SLC25A13: variants seen among roughly 807,000 people sequenced by gnomAD.
SLC25A13 encodes the protein solute carrier family 25 member 13, also known as electrogenic aspartate/glutamate antiporter SLC25A13, mitochondrial.
Under a neutral mutation model 85.5 loss-of-function variants are expected in SLC25A13, and 70 were observed. The ratio of observed to expected loss-of-function variants is 0.82; its 90% CI spans 0.68 to 1.00. The LOEUF (loss-of-function observed/expected upper bound fraction) is 1.00, where lower values mean the gene tolerates loss of function less well. Among genes scored for constraint, SLC25A13 ranks in the 50% least tolerant of loss-of-function variants. The probability of loss-of-function intolerance (pLI) is 0.00; values close to 1 mark genes in which losing one functional copy is unlikely to be tolerated. For synonymous variants in SLC25A13, 259 were observed against 288.7 expected, an observed-to-expected ratio of 0.90 and a Z score of 1.04; for missense variants, 765 against 819.8, an observed-to-expected ratio of 0.93 and a Z score of 0.82.
Position 96,184,419 on chromosome 7 carries a change from A to G in SLC25A13, c.1035T>C (p.Ala345=). 1 of 1,614,198 alleles carries G rather than the reference A, an allele frequency of 6.2e-7. No homozygotes were observed. Among genetic ancestry groups the G allele is most frequent in the Non-Finnish European group, 8.5e-7 (1 of 1,180,008 alleles). ...GSVAGAVGAT[A]VYPIDLVKTR... is the part of the protein sequence containing the mutation. ...TTTTTACAAGATCGATAGGATACACAGCAGTGGCTCCAACAGCTAAAATTA... is the reference window on the plus strand; with the variant it reads ...TTTTTACAAGATCGATAGGATACACGGCAGTGGCTCCAACAGCTAAAATTA... The change falls in exon 11 of 18, where the codon GCT becomes GCC. Residue 345 remains alanine (A), a synonymous_variant. Transcript: ENST00000265631.
chr7:96,202,160 A>C (rs1411921693), intron 5 of SLC25A13, among the ~76,000 whole-genome samples: 1 of 152,212 alleles, frequency 6.6e-6, no homozygotes, highest in Non-Finnish European at 1.5e-5. Context: ...TAGCATGGGT[A>C]TGCTTTGGCA....
In SLC25A13 at chr7:96,189,390, A is replaced by G; in HGVS notation, c.849-12T>C. 12 of 1,612,000 alleles carry G rather than the reference A, an allele frequency of 7.4e-6. No homozygotes were observed. The highest frequency in any genetic ancestry group is 1.0e-5 in the Non-Finnish European group (12 of 1,178,054). The stretch of plus-strand genomic sequence containing the variant: ...CTAAGGTCATACGTCTGTAGGGGAA[A>G]AACAAACACAAGCAACAAATATACC... On this transcript the variant is annotated splice_polypyrimidine_tract_variant and intron_variant, in intron 8 of 17. Transcript: ENST00000265631.
intron 15 of SLC25A13, among the ~76,000 whole-genome samples, chr7:96,127,650 T>C (rs1313085718): frequency 6.6e-6 from 1 of 152,222 alleles, no homozygotes; most frequent in Non-Finnish European, 1.5e-5. Context: ...CACAGGTCCA[T>C]ATTATTTATA....
intron 4 of SLC25A13, among the ~76,000 whole-genome samples, chr7:96,230,650 C>T (rs1796508448): frequency 6.6e-6 from 1 of 152,194 alleles, no homozygotes. Context: ...TAAGGCTGTA[C>T]ACCTACAACT....
At chr7:96,287,665 A>C (rs1426212103) in intron 2 of SLC25A13, among the ~76,000 whole-genome samples, 1 of 152,234 alleles carries the variant, frequency 6.6e-6, no homozygotes. Context: ...CGAAAGGTGG[A>C]CACAGCCTTT....
At chr7:96,136,171 A>C (rs1562785979) in intron 14 of SLC25A13, among the ~76,000 whole-genome samples, 1 of 152,162 alleles carries the variant, frequency 6.6e-6, no homozygotes, top group Non-Finnish European at 1.5e-5. Context: ...ATCATGCCAA[A>C]GTCTCTCCAT....
chr7:96,290,496 T>C (rs1799075684), intron 2 of SLC25A13, among the ~76,000 whole-genome samples: 1 of 149,242 alleles, frequency 6.7e-6, no homozygotes, highest in Non-Finnish European at 1.5e-5. Context: ...GGATAAAGAG[T>C]CAAGACCCAT....
intron 5 of SLC25A13, among the ~76,000 whole-genome samples, chr7:96,204,015 G>A (rs1795365307): frequency 6.6e-6 from 1 of 152,220 alleles, no homozygotes; most frequent in Admixed American, 6.5e-5. Flanking sequence ...TCTGACTGCA[G>A]AAGCTAAGCT....
chr7:96,306,479 T>C (rs1799747656), intron 1 of SLC25A13, among the ~76,000 whole-genome samples: 1 of 152,232 alleles, frequency 6.6e-6, no homozygotes, highest in African/African-American at 2.4e-5. Flanking sequence ...TTCTGACCTC[T>C]TGGGCAACTG....
chr7:96,203,027 T>TA (rs1328602121), intron 5 of SLC25A13, among the ~76,000 whole-genome samples: 1 of 152,200 alleles, frequency 6.6e-6, no homozygotes, highest in Non-Finnish European at 1.5e-5. Flanking sequence ...ACTCTTGGCT[T>TA]AAAAAGCAAC....
chr7:96,215,752 T>C (rs937786930), intron 4 of SLC25A13, among the ~76,000 whole-genome samples: 3 of 152,118 alleles, frequency 2.0e-5, no homozygotes, highest in Non-Finnish European at 4.4e-5. Flanking sequence ...TTTTGTGATG[T>C]TGGATTAGGA....
At position 96,141,720 on chromosome 7, in the gene SLC25A13, G is replaced by A. The variant is rs563098173; in HGVS notation, c.1452+4836C>T. 2.6e-5 allele frequency among the ~76,000 whole-genome samples: 4 copies of A among 152,282 alleles called. No homozygotes were observed. The South Asian group carries it at 8.3e-4, about 32-fold the overall frequency. On this transcript the variant is annotated intron_variant, in intron 14 of 17. Transcript: ENST00000265631. ...ACAACTGCTTCCTTCAGGTCCGGCT[G>A]TGAGCACGTAAAAATACAAGTTTTT...
intron 13 of SLC25A13, among the ~76,000 whole-genome samples, chr7:96,151,637 AG>A (rs1793050892): frequency 6.7e-6 from 1 of 150,170 alleles, no homozygotes; most frequent in African/African-American, 2.5e-5. Flanking sequence ...TAATATTATA[AG>A]GTAAGTAATA....
intron 3 of SLC25A13, 27 bp from the exon 4 acceptor site, chr7:96,234,944 A>C: frequency 6.4e-7 from 1 of 1,562,002 alleles, no homozygotes; most frequent in Non-Finnish European, 8.8e-7. Context: ...ACATAAAGCA[A>C]AAGTCAGTAG....
At chr7:96,138,123 C>A (rs1792360776) in intron 14 of SLC25A13, among the ~76,000 whole-genome samples, 1 of 152,138 alleles carries the variant, frequency 6.6e-6, no homozygotes, top group African/African-American at 2.4e-5. Context: ...TTCTTAAAAG[C>A]AATTTTTACA....
At chr7:96,182,411 C>T (rs1794452330) in intron 11 of SLC25A13, among the ~76,000 whole-genome samples, 1 of 152,234 alleles carries the variant, frequency 6.6e-6, no homozygotes. Flanking sequence ...ACAGACAGCT[C>T]TGTCTCTTGC....
chr7:96,269,779 C>G (rs983305774), intron 3 of SLC25A13, among the ~76,000 whole-genome samples: 5 of 152,178 alleles, frequency 3.3e-5, no homozygotes, highest in Non-Finnish European at 7.3e-5. Context: ...ACTATTAAGC[C>G]TTTAAAAAGG....
rs370209173 is a variant in SLC25A13, at chr7:96,229,884, C to T, written c.328+4918G>A. Among the ~76,000 whole-genome samples the T allele has an allele frequency of 1.8e-4, 28 of 152,292 alleles. No homozygotes were observed. In the East Asian group the frequency reaches 4.8e-3, roughly 26 times the overall value. On this transcript the variant is annotated intron_variant, in intron 4 of 17. Transcript: ENST00000265631. The stretch of plus-strand genomic sequence containing the variant: ...CACCACGAGGGTCCGCAGCTTCATC[C>T]TTGAAGTCAGTGAGACCAAGAACCC...
chr7:96,235,551 C>A (rs1185520803), intron 3 of SLC25A13, among the ~76,000 whole-genome samples: 1 of 152,128 alleles, frequency 6.6e-6, no homozygotes. Context: ...GCAGAAATGG[C>A]ATTTGAGCTA....
Sources: allele counts gnomAD v4.1 joint callset (sites outside exome capture counted in the v4.1 genomes callset), GRCh38; gene constraint gnomAD v4.1.1; transcripts MANE v1.5; gene names NCBI Gene and HGNC (gene_info 2026-07-23, HGNC 2026-07-21).